The following NDC80 variants were observed in gnomAD, a reference collection of about 807,000 sequenced individuals.
The protein encoded by NDC80 is kinetochore protein NDC80 homolog.
A neutral mutation model predicts 89.3 loss-of-function variants in NDC80; 69 were observed. The ratio of observed to expected loss-of-function variants is 0.77; its 90% CI spans 0.64 to 0.94. The LOEUF (loss-of-function observed/expected upper bound fraction) is 0.94, where lower values mean the gene tolerates loss of function less well. Ranked by LOEUF, NDC80 falls within the 40% of genes least tolerant of loss-of-function variation. NDC80 has a pLI of 0.00. For missense variants in NDC80, 593 were observed against 739.6 expected (o/e 0.80, Z 2.30); for synonymous variants, 243 against 255.6 (o/e 0.95, Z 0.47).
intron 16 of NDC80, among the ~76,000 whole-genome samples, chr18:2,611,338 C>T (rs1418528100): frequency 2.0e-5 from 3 of 152,082 alleles, no homozygotes; most frequent in Non-Finnish European, 4.4e-5. Context: ...CGTGAGCCAC[C>T]GCACCCAGCC....
chr18:2,596,735 A>G (rs2072658577), intron 11 of NDC80, among the ~76,000 whole-genome samples: 3 of 152,148 alleles, frequency 2.0e-5, no homozygotes, highest in South Asian at 4.1e-4. Context: ...ACATATGTTT[A>G]TTGCGGCACT....
chr18:2,592,888 C>T (rs184526908), intron 10 of NDC80, among the ~76,000 whole-genome samples: 1 of 152,006 alleles, frequency 6.6e-6, no homozygotes, highest in African/African-American at 2.4e-5. Context: ...AAATGCTAAT[C>T]ATGTTCAATA....
At chr18:2,575,182 A>G in intron 3 of NDC80, 116 bp downstream of exon 3, 3 of 761,640 alleles carry the variant, frequency 3.9e-6, no homozygotes, top group Non-Finnish European at 6.4e-6. Context: ...GTTATAATCT[A>G]GTTTTCCTCT....
chr18:2,587,498 G>T (rs886151255), intron 7 of NDC80, among the ~76,000 whole-genome samples: 1 of 152,104 alleles, frequency 6.6e-6, no homozygotes, highest in African/African-American at 2.4e-5. Flanking sequence ...GATTAAGTTT[G>T]TGCATTTTAT....
At chr18:2,605,679 C>T (rs2072707772) in intron 13 of NDC80, among the ~76,000 whole-genome samples, 1 of 149,626 alleles carries the variant, frequency 6.7e-6, no homozygotes, top group Non-Finnish European at 1.5e-5. Context: ...AATTTGAACC[C>T]CTAAATTTTT....
intron 11 of NDC80, among the ~76,000 whole-genome samples, chr18:2,596,789 A>T (rs946868783): frequency 6.6e-6 from 1 of 151,792 alleles, no homozygotes; most frequent in Admixed American, 6.6e-5. Context: ...ATGTCCAACA[A>T]TGATAGACTG....
At chr18:2,571,812 G>A (rs2072514766) in intron 1 of NDC80, 129 bp downstream of exon 1, 3 of 152,302 alleles carry the variant, frequency 2.0e-5, no homozygotes, top group Non-Finnish European at 4.4e-5. Flanking sequence ...GTTGGGAGAA[G>A]CCTCGAGGCC....
At position 2,601,475 on chromosome 18, in the gene NDC80, C is replaced by A. The variant is rs1481918188; in HGVS notation, c.1454C>A (p.Thr485Asn). Reference sequence around the variant, plus strand: ...AATAAAAAAATGGGTTTGGAGGATACTTTAGAACAAGTAAGTAATAAAACA... The same window carrying A: ...AATAAAAAAATGGGTTTGGAGGATAATTTAGAACAAGTAAGTAATAAAACA... ...ALNKKMGLED[T>N]LEQLNAMITE... Residue 485 changes from threonine to asparagine, a missense_variant, in exon 13 of 17, where the codon ACT (threonine) becomes AAT (asparagine). Thr to Asn is a moderately conservative substitution (Grantham distance 65). Transcript: ENST00000261597. The A allele has an allele frequency of 7.2e-7, 1 of 1,386,474 alleles. No individual in the cohort carries two copies. Among genetic ancestry groups the A allele is most frequent in the Non-Finnish European group, 9.8e-7 (1 of 1,024,940 alleles). 85.9% of individuals were successfully genotyped at this position (1,386,474 alleles called of 1,614,324 possible). A position where few individuals can be genotyped will look rare whatever the true frequency, so the allele number is the denominator to read the frequency against.
intron 6 of NDC80, chr18:2,582,631 G>A (rs1430068228): frequency 6.6e-6 from 1 of 152,140 alleles, no homozygotes; most frequent in Non-Finnish European, 1.5e-5. Context: ...AGAAGATAAT[G>A]TTTTGCATGT....
intron 7 of NDC80, among the ~76,000 whole-genome samples, chr18:2,586,178 G>T (rs900699415): frequency 1.3e-5 from 2 of 152,150 alleles, no homozygotes; most frequent in South Asian, 4.1e-4. Flanking sequence ...AATAATTTCA[G>T]TCCCATCTTT....
intron 10 of NDC80, among the ~76,000 whole-genome samples, chr18:2,592,267 T>C (rs1955162945): frequency 6.6e-6 from 1 of 152,232 alleles, no homozygotes; most frequent in South Asian, 2.1e-4. Context: ...TTTTATTCTA[T>C]GAGTGTTTGA....
At chr18:2,596,740 G>A (rs985736654) in intron 11 of NDC80, among the ~76,000 whole-genome samples, 73 of 152,036 alleles carry the variant, frequency 4.8e-4, no homozygotes, top group African/African-American at 1.3e-3. Flanking sequence ...TGTTTATTGC[G>A]GCACTATTCA....
intron 14 of NDC80, among the ~76,000 whole-genome samples, chr18:2,607,716 T>C (rs2072719524): frequency 6.6e-6 from 1 of 151,572 alleles, no homozygotes; most frequent in African/African-American, 2.4e-5. Context: ...CAATAGAGAC[T>C]CGAGAGAAAT....
chr18:2,590,304 A>G (rs1020713496), intron 10 of NDC80, 142 bp downstream of exon 10: 2 of 844,160 alleles, frequency 2.4e-6, no homozygotes, highest in Admixed American at 7.1e-5. Context: ...TGTGTTTCGT[A>G]TTTGTTTCCT....
intron 7 of NDC80, 82 bp downstream of exon 7, chr18:2,585,284 C>A: frequency 9.4e-7 from 1 of 1,065,330 alleles, no homozygotes; most frequent in Non-Finnish European, 1.4e-6. Context: ...AGATGCCCCT[C>A]GACTTATGAT....
intron 6 of NDC80, among the ~76,000 whole-genome samples, chr18:2,580,581 T>C (rs767946722): frequency 1.3e-5 from 2 of 152,008 alleles, no homozygotes; most frequent in Admixed American, 6.6e-5. Context: ...GTACCACCCA[T>C]TGTCAAGAGA....
At chr18:2,608,309 G>A (rs1416780637) in intron 14 of NDC80, among the ~76,000 whole-genome samples, 3 of 151,686 alleles carry the variant, frequency 2.0e-5, no homozygotes, top group Non-Finnish European at 2.9e-5. Flanking sequence ...GGGTTCAAGC[G>A]ATTCTCATGT....
Position 2,574,955 on chromosome 18 carries a change from T to A in NDC80, c.102-34T>A, listed in dbSNP as rs773595781. On this transcript the variant is annotated intron_variant, in intron 2 of 16. Transcript: ENST00000261597. ...AGTTTCTTGAGCTAATTTTAATTTT[T>A]ATTTTAAAGAGTTGTTTTCTATTTT... 24 of 1,379,634 alleles carry A rather than the reference T, an allele frequency of 1.7e-5. No homozygotes were observed. The Middle Eastern group carries it at 6.2e-4, about 35-fold the overall frequency. The allele number at this position is 1,379,634 out of a possible 1,614,324, so 85.5% of individuals were successfully genotyped here.
At chr18:2,602,277 G>A (rs750491061) in intron 13 of NDC80, among the ~76,000 whole-genome samples, 1 of 152,044 alleles carries the variant, frequency 6.6e-6, no homozygotes, top group Non-Finnish European at 1.5e-5. Flanking sequence ...AATTATGCTA[G>A]TAACCCACAG....
Sources: allele counts gnomAD v4.1 joint callset (sites outside exome capture counted in the v4.1 genomes callset), GRCh38; gene constraint gnomAD v4.1.1; transcripts MANE v1.5; gene names NCBI Gene and HGNC (gene_info 2026-07-23, HGNC 2026-07-21).